AP2B1: variants seen among roughly 807,000 people sequenced by gnomAD.
The protein encoded by AP2B1 is adaptor related protein complex 2 subunit beta 1.
A neutral mutation model predicts 102.0 loss-of-function variants in AP2B1; 23 were observed. The observed-to-expected ratio is 0.23, with a 90% CI of 0.16 to 0.32. AP2B1 has a LOEUF of 0.32. AP2B1 is among the 10% of genes least tolerant of loss of function. AP2B1 has a pLI of 1.00. For missense variants in AP2B1, 541 were observed against 1,157.4 expected, an observed-to-expected ratio of 0.47 and a Z score of 7.73; for synonymous variants, 381 against 421.2, an observed-to-expected ratio of 0.90 and a Z score of 1.17.
intron 21 of AP2B1, 21 bp from the exon 22 acceptor site, chr17:35,723,604 A>T (rs782447517): frequency 4.5e-6 from 7 of 1,560,096 alleles, no homozygotes; most frequent in Non-Finnish European, 6.2e-6. Flanking sequence ...CTAATCTTCC[A>T]TCTCCTTTTT....
chr17:35,616,968 T>A (rs1014625237), intron 5 of AP2B1, among the ~76,000 whole-genome samples: 4 of 152,234 alleles, frequency 2.6e-5, no homozygotes, highest in African/African-American at 4.8e-5. Flanking sequence ...ATCGTAGGAT[T>A]GTTGTGAATA....
intron 3 of AP2B1, among the ~76,000 whole-genome samples, chr17:35,603,285 A>G (rs968553098): frequency 7.9e-5 from 12 of 152,210 alleles, no homozygotes. Context: ...TAGCAGTATT[A>G]AAAATGTATA....
At chr17:35,621,222 C>G in intron 5 of AP2B1, 1 of 707,996 alleles carries the variant, frequency 1.4e-6, no homozygotes, top group Non-Finnish European at 1.7e-6. Context: ...GTCATGTACT[C>G]TCTAGCCACC....
chr17:35,631,358 A>G (rs995380054), intron 9 of AP2B1, among the ~76,000 whole-genome samples: 4 of 152,170 alleles, frequency 2.6e-5, no homozygotes, highest in African/African-American at 9.6e-5. Context: ...TGTTTACTAT[A>G]TATAATTATA....
intron 18 of AP2B1, among the ~76,000 whole-genome samples, chr17:35,703,926 C>T (rs947222551): frequency 6.6e-6 from 1 of 152,116 alleles, no homozygotes; most frequent in Non-Finnish European, 1.5e-5. Context: ...TCATTGATTT[C>T]CCTCAAGCAA....
chr17:35,695,870 A>G (rs902547299), intron 18 of AP2B1, among the ~76,000 whole-genome samples: 2 of 151,918 alleles, frequency 1.3e-5, no homozygotes, highest in Admixed American at 6.6e-5. Flanking sequence ...TTTGAATACT[A>G]TTTATGTTAA....
Position 35,674,265 on chromosome 17 carries a change from C to T in AP2B1, c.2268C>T (p.Phe756=). The change falls in exon 17 of 22, where the codon TTC becomes TTT. Residue 756 remains phenylalanine, a synonymous_variant. Coordinates refer to ENST00000610402, the MANE Select transcript of AP2B1 (RefSeq NM_001030006.2). The part of the protein sequence containing the change: ...RQGHIYMEMN[F]TNKALQHMTD... ...GGCACATCTATATGGAAATGAACTTCACCAATAAAGCTCTGCAGCACATGA... is the reference window on the plus strand; with the variant it reads ...GGCACATCTATATGGAAATGAACTTTACCAATAAAGCTCTGCAGCACATGA... 1 of 1,614,176 alleles carries T rather than the reference C, an allele frequency of 6.2e-7. No homozygotes were observed. Among genetic ancestry groups the T allele is most frequent in the Non-Finnish European group, 8.5e-7 (1 of 1,180,034 alleles).
chr17:35,619,360 A>G (rs542448693), intron 5 of AP2B1, among the ~76,000 whole-genome samples: 2 of 152,304 alleles, frequency 1.3e-5, no homozygotes, highest in African/African-American at 4.8e-5. Context: ...TTAAAAATTC[A>G]GGCTGGGTAT....
chr17:35,629,655 G>T (rs2074409719), intron 9 of AP2B1, among the ~76,000 whole-genome samples: 1 of 152,158 alleles, frequency 6.6e-6, no homozygotes, highest in Non-Finnish European at 1.5e-5. Flanking sequence ...GTAAAGTGCA[G>T]CTCGTTTCTG....
chr17:35,682,414 C>G (rs1396888520), intron 17 of AP2B1, among the ~76,000 whole-genome samples: 1 of 137,420 alleles, frequency 7.3e-6, no homozygotes, highest in South Asian at 2.3e-4. Context: ...GCGATCTCGG[C>G]TCACTACAAC....
At chr17:35,645,831 A>G (rs1278912811) in intron 12 of AP2B1, among the ~76,000 whole-genome samples, 2 of 152,218 alleles carry the variant, frequency 1.3e-5, no homozygotes, top group African/African-American at 4.8e-5. Context: ...CCTGGGCAAG[A>G]AGACCTAGAC....
intron 5 of AP2B1, among the ~76,000 whole-genome samples, chr17:35,615,042 A>G (rs1390993105): frequency 2.0e-5 from 3 of 152,142 alleles, no homozygotes; most frequent in Non-Finnish European, 1.5e-5. Context: ...GATGTTTTCA[A>G]CATCCTTCAG....
At chr17:35,606,642 C>G (rs1282380242) in intron 4 of AP2B1, among the ~76,000 whole-genome samples, 1 of 152,130 alleles carries the variant, frequency 6.6e-6, no homozygotes, top group African/African-American at 2.4e-5. Flanking sequence ...GTTACCGACA[C>G]ATAACCACTC....
In AP2B1 at chr17:35,709,399, T is replaced by C. The variant is rs1598344212; in HGVS notation, c.2539+91T>C. 8.1e-6 allele frequency: 9 copies of C among 1,105,786 alleles called. No individual in the cohort carries two copies. In the East Asian group the frequency reaches 2.1e-4, roughly 26 times the overall value. 68.5% of individuals were successfully genotyped at this position (1,105,786 alleles called of 1,614,324 possible). On this transcript the variant is annotated intron_variant, in intron 19 of 21. Coordinates refer to ENST00000610402, the MANE Select transcript of AP2B1 (RefSeq NM_001030006.2). Reference sequence around the variant, plus strand: ...ATAGCCCCAGAAGTTTTGAGTTATTTTGAGGTTAAAAAAAAATGGGTTAAG... The same window carrying C: ...ATAGCCCCAGAAGTTTTGAGTTATTCTGAGGTTAAAAAAAAATGGGTTAAG...
chr17:35,703,640 G>A (rs1344425126), intron 18 of AP2B1, among the ~76,000 whole-genome samples: 1 of 152,126 alleles, frequency 6.6e-6, no homozygotes, highest in Admixed American at 6.5e-5. Flanking sequence ...GAGAACACAT[G>A]GACACAAAGA....
chr17:35,721,852 G>C (rs1435168361), intron 21 of AP2B1, among the ~76,000 whole-genome samples: 1 of 152,186 alleles, frequency 6.6e-6, no homozygotes, highest in Non-Finnish European at 1.5e-5. Flanking sequence ...TCTCTTTTTA[G>C]ATTCCTCTTC....
intron 3 of AP2B1, among the ~76,000 whole-genome samples, chr17:35,603,191 T>C (rs2073548135): frequency 6.6e-6 from 1 of 152,236 alleles, no homozygotes; most frequent in Admixed American, 6.5e-5. Flanking sequence ...ACCAGCTATT[T>C]CATTCCCTTT....
chr17:35,608,492 G>C (rs2073759268), intron 5 of AP2B1, 105 bp downstream of exon 5: 26 of 1,358,838 alleles, frequency 1.9e-5, no homozygotes, highest in Non-Finnish European at 2.6e-5. Context: ...TTATGGGGTA[G>C]CTATGGGAAA....
At chr17:35,675,703 G>A (rs369457849) in intron 17 of AP2B1, among the ~76,000 whole-genome samples, 2 of 149,410 alleles carry the variant, frequency 1.3e-5, no homozygotes, top group African/African-American at 2.5e-5. Context: ...GCACAATCTC[G>A]GCGGCTCACT....
Sources: allele counts gnomAD v4.1 joint callset (sites outside exome capture counted in the v4.1 genomes callset), GRCh38; gene constraint gnomAD v4.1.1; transcripts MANE v1.5; gene names NCBI Gene and HGNC (gene_info 2026-07-23, HGNC 2026-07-21).